Variants in P2RY1 observed in about 807,000 individuals in gnomAD.
P2RY1 encodes the protein P2Y purinoceptor 1.
Under a neutral mutation model 22.8 loss-of-function variants are expected in P2RY1, and 14 were observed. That is an observed-to-expected ratio of 0.61 (90% confidence interval 0.41 to 0.96). The LOEUF (loss-of-function observed/expected upper bound fraction) is 0.96. P2RY1 is among the 40% of genes least tolerant of loss of function. The pLI, the probability that P2RY1 is intolerant of heterozygous loss-of-function variation, is 0.00. For missense variants in P2RY1, 395 were observed against 470.3 expected, an observed-to-expected ratio of 0.84 and a Z score of 1.48; for synonymous variants, 200 against 195.1, an observed-to-expected ratio of 1.03 and a Z score of -0.21.
chr3:152,836,117 T>A lies in P2RY1; in HGVS notation c.335T>A (p.Phe112Tyr). ...LTLPALIFYY[F>Y]NKTDWIFGDA... is the part of the protein sequence containing the mutation. ...CTGCCAGCCCTGATCTTCTACTACTTCAATAAAACAGACTGGATCTTCGGG... is the reference window on the plus strand; with the variant it reads ...CTGCCAGCCCTGATCTTCTACTACTACAATAAAACAGACTGGATCTTCGGG... The change falls in exon 1 of 1, where the codon TTC becomes TAC. Residue 112 changes from phenylalanine to tyrosine, a missense_variant. Phe to Tyr is a conservative substitution (Grantham distance 22). Around this residue, in one of 3 missense-constraint regions of P2RY1, gnomAD observed 291 missense variants for 361.6 expected, o/e 0.80. Coordinates refer to ENST00000305097, the MANE Select transcript of P2RY1 (RefSeq NM_002563.5). This position sits in a 1 kb window ranked among gnomAD's most constrained non-coding sequence, Gnocchi z 5.6. 1 of 1,614,110 alleles carries A rather than the reference T, an allele frequency of 6.2e-7. No homozygotes were observed. The highest frequency in any genetic ancestry group is 8.5e-7 in the Non-Finnish European group (1 of 1,180,006).
rs1228268707 is a variant in P2RY1 at position 152,836,879 on chromosome 3, A to G, written c.1097A>G (p.Lys366Arg). 1.2e-6 allele frequency: 2 copies of G among 1,610,936 alleles called. No individual in the cohort carries two copies. Among genetic ancestry groups the G allele is most frequent in the East Asian group, 2.2e-5 (1 of 44,860 alleles). ...ACCCTCAATATTTTACCTGAGTTCA[A>G]GCAGAATGGAGATACAAGCCTGTGA... ...DMTLNILPEF[K>R]QNGDTSL The change falls in exon 1 of 1, where the codon AAG (lysine) becomes AGG (arginine). Residue 366 changes from lysine (K) to arginine (R), a missense_variant. Lys to Arg is a conservative substitution (Grantham distance 26). Transcript: ENST00000305097. This position sits in a 1 kb window ranked among gnomAD's most constrained non-coding sequence, Gnocchi z 5.6.
rs754613341 is a variant in P2RY1, at chr3:152,835,846, G to A, written c.64G>A (p.Gly22Ser). The A allele has an allele frequency of 1.9e-6, 3 of 1,612,986 alleles. No homozygotes were observed. The highest frequency in any genetic ancestry group is 2.5e-6 in the Non-Finnish European group (3 of 1,180,050). Residue 22 changes from glycine (G) to serine (S), a missense_variant, in exon 1 of 1, where the codon GGT (glycine) becomes AGT (serine). Transcript: ENST00000305097. ...GGACGCTGCCTTCCTGGCCGGTCCG[G>A]GTTCGTCCTGGGGGAACAGCACGGT... ...GTDAAFLAGP[G>S]SSWGNSTVAS...
rs1210523527 is a variant in P2RY1 at position 152,836,293 on chromosome 3, A to G, written c.511A>G (p.Ile171Val). 1.9e-6 allele frequency: 3 copies of G among 1,613,988 alleles called. No homozygotes were observed. Among genetic ancestry groups the G allele is most frequent in the African/African-American group, 2.7e-5 (2 of 74,908 alleles). Residue 171 changes from isoleucine to valine, a missense_variant, in exon 1 of 1, where the codon ATC becomes GTC. Around this residue, in one of 3 missense-constraint regions of P2RY1, gnomAD observed 291 missense variants for 361.6 expected, o/e 0.80. Coordinates refer to ENST00000305097, the MANE Select transcript of P2RY1 (RefSeq NM_002563.5). The surrounding 1 kb of genome is among the most constrained non-coding windows in gnomAD (Gnocchi z 5.6). The part of the protein sequence containing the change: ...GRLKKKNAIC[I>V]SVLVWLIVVV... The stretch of plus-strand genomic sequence containing the variant: ...GCTCAAAAAGAAGAATGCGATCTGT[A>G]TCAGCGTGCTGGTGTGGCTCATTGT...
chr3:152,836,686 G>C lies in P2RY1; in HGVS notation c.904G>C (p.Val302Leu). The C allele has an allele frequency of 6.2e-7, 1 of 1,614,154 alleles. No individual in the cohort carries two copies. Among genetic ancestry groups the C allele is most frequent in the Non-Finnish European group, 8.5e-7 (1 of 1,180,034 alleles). ...AGCAATGTGTGCTTTCAATGACAGG[G>C]TTTATGCCACGTATCAGGTGACAAG... ...TPAMCAFNDR[V>L]YATYQVTRGL... Residue 302 changes from valine (V) to leucine (L), a missense_variant, in exon 1 of 1, where the codon GTT becomes CTT. This residue lies in a region of P2RY1 where 291 missense variants were observed against 361.6 expected (regional missense o/e 0.80). Transcript: ENST00000305097. The surrounding 1 kb of genome is among the most constrained non-coding windows in gnomAD (Gnocchi z 5.6).
chr3:152,835,649 C>T lies in P2RY1; in HGVS notation c.-134C>T. Reference sequence around the variant, plus strand: ...GGCGTGGGCGAGCCCCTGCGCGCCCCCTCCCGCGGGGATCCAGTTCGCCTG... The same window carrying T: ...GGCGTGGGCGAGCCCCTGCGCGCCCTCTCCCGCGGGGATCCAGTTCGCCTG... On this transcript the variant is annotated 5_prime_UTR_variant, in exon 1 of 1. Coordinates refer to ENST00000305097, the MANE Select transcript of P2RY1 (RefSeq NM_002563.5). 1.1e-6 allele frequency: 1 copy of T among 884,494 alleles called. No individual in the cohort carries two copies. The highest frequency in any genetic ancestry group is 1.7e-6 in the Non-Finnish European group (1 of 600,706). 54.8% of individuals were successfully genotyped at this position (884,494 alleles called of 1,614,324 possible).
At position 152,836,762 on chromosome 3, in the gene P2RY1, C is replaced by T. The variant is rs1406416376; in HGVS notation, c.980C>T (p.Ala327Val). 2 of 1,614,028 alleles carry T rather than the reference C, an allele frequency of 1.2e-6. No individual in the cohort carries two copies. The highest frequency in any genetic ancestry group is 3.3e-5 in the Admixed American group (2 of 60,018). ...GTGGACCCCATTCTCTATTTCTTGG[C>T]GGGAGATACTTTCAGAAGGAGACTC... The part of the protein sequence containing the change: ...SCVDPILYFL[A>V]GDTFRRRLSR... The change falls in exon 1 of 1, where the codon GCG becomes GTG. Residue 327 changes from alanine to valine, a missense_variant. Physicochemically the swap from Ala to Val is moderately conservative, Grantham distance 64 (BLOSUM62 0). Coordinates refer to ENST00000305097, the MANE Select transcript of P2RY1 (RefSeq NM_002563.5). The surrounding 1 kb of genome is among the most constrained non-coding windows in gnomAD (Gnocchi z 5.6).
Position 152,836,060 on chromosome 3 carries a change from T to G in P2RY1, c.278T>G (p.Leu93Trp). The G allele has an allele frequency of 6.2e-7, 1 of 1,614,192 alleles. No homozygotes were observed. Among genetic ancestry groups the G allele is most frequent in the Non-Finnish European group, 8.5e-7 (1 of 1,180,036 alleles). ...GGCATCTCCGTGTACATGTTCAATTTGGCTCTGGCCGACTTCTTGTACGTG... is the reference window on the plus strand; with the variant it reads ...GGCATCTCCGTGTACATGTTCAATTGGGCTCTGGCCGACTTCTTGTACGTG... Reference protein sequence around the residue: ...WSGISVYMFNLALADFLYVLT... With the variant: ...WSGISVYMFNWALADFLYVLT... Residue 93 changes from leucine to tryptophan, a missense_variant, in exon 1 of 1, where the codon TTG (leucine) becomes TGG (tryptophan). Leu to Trp is a moderately conservative substitution (Grantham distance 61, BLOSUM62 -2). Around this residue, in one of 3 missense-constraint regions of P2RY1, gnomAD observed 291 missense variants for 361.6 expected, o/e 0.80. Transcript: ENST00000305097. This position sits in a 1 kb window ranked among gnomAD's most constrained non-coding sequence, Gnocchi z 5.6.
rs986389698 is a variant in P2RY1, at chr3:152,839,016, C to G, written c.*2112C>G. On this transcript the variant is annotated 3_prime_UTR_variant, in exon 1 of 1. Coordinates refer to ENST00000305097, the MANE Select transcript of P2RY1 (RefSeq NM_002563.5). The stretch of plus-strand genomic sequence containing the variant: ...TGTAGCCTAATGATACACATTTTTA[C>G]AATATTTCTTCACCATTTAGTTTTC... 3 of 152,156 alleles carry G rather than the reference C, an allele frequency of 2.0e-5. No individual in the cohort carries two copies. The highest frequency in any genetic ancestry group is 4.4e-5 in the Non-Finnish European group (3 of 68,016). The allele number at this position is 152,156 out of a possible 1,614,324, so 9.4% of individuals were successfully genotyped here. A position where few individuals can be genotyped will look rare whatever the true frequency, so the allele number is the denominator to read the frequency against.
rs1716139593 is a variant in P2RY1 at position 152,835,832 on chromosome 3, T to C, written c.50T>C (p.Phe17Ser). ...PAVPNGTDAA[F>S]LAGPGSSWGN... ...GTCCCCAACGGGACGGACGCTGCCTTCCTGGCCGGTCCGGGTTCGTCCTGG... is the reference window on the plus strand; with the variant it reads ...GTCCCCAACGGGACGGACGCTGCCTCCCTGGCCGGTCCGGGTTCGTCCTGG... Residue 17 changes from phenylalanine (F) to serine (S), a missense_variant, in exon 1 of 1, where the codon TTC becomes TCC. Physicochemically the swap from Phe to Ser is radical, Grantham distance 155. Around this residue, in one of 3 missense-constraint regions of P2RY1, gnomAD observed 98 missense variants for 87.7 expected, o/e 1.12. Coordinates refer to ENST00000305097, the MANE Select transcript of P2RY1 (RefSeq NM_002563.5). 6.2e-7 allele frequency: 1 copy of C among 1,612,268 alleles called. No homozygotes were observed. The highest frequency in any genetic ancestry group is 1.7e-5 in the Admixed American group (1 of 60,012).
In P2RY1 at chr3:152,840,575, A is replaced by G. The variant is rs1716272974; in HGVS notation, c.*3671A>G. ...ATTTAAAGTTGATCTGTCATGTTTT[A>G]GCAGTCAAGTGGGATGGGCATTATA... is the stretch of plus-strand genomic sequence containing the variant. On this transcript the variant is annotated 3_prime_UTR_variant, in exon 1 of 1. Coordinates refer to ENST00000305097, the MANE Select transcript of P2RY1 (RefSeq NM_002563.5). The G allele has an allele frequency of 6.6e-6, 1 of 152,186 alleles. No homozygotes were observed. Among genetic ancestry groups the G allele is most frequent in the African/African-American group, 2.4e-5 (1 of 41,450 alleles). 9.4% of individuals were successfully genotyped at this position (152,186 alleles called of 1,614,324 possible).
Position 152,836,181 on chromosome 3 carries a change from G to T in P2RY1, c.399G>T (p.Val133=). 1 of 1,614,166 alleles carries T rather than the reference G, an allele frequency of 6.2e-7. No homozygotes were observed. The highest frequency in any genetic ancestry group is 8.5e-7 in the Non-Finnish European group (1 of 1,180,032). ...MCKLQRFIFH[V]NLYGSILFLT... Reference sequence around the variant, plus strand: ...AACTGCAGAGGTTCATCTTTCATGTGAACCTCTATGGCAGCATCTTGTTTC... The same window carrying T: ...AACTGCAGAGGTTCATCTTTCATGTTAACCTCTATGGCAGCATCTTGTTTC... Residue 133 remains valine (V), a synonymous_variant, in exon 1 of 1, where the codon GTG becomes GTT. Coordinates refer to ENST00000305097, the MANE Select transcript of P2RY1 (RefSeq NM_002563.5). The surrounding 1 kb of genome is among the most constrained non-coding windows in gnomAD (Gnocchi z 5.6).
In P2RY1 at chr3:152,836,046, G is replaced by T. The variant is rs1305474709; in HGVS notation, c.264G>T (p.Val88=). 1.2e-6 allele frequency: 2 copies of T among 1,614,176 alleles called. No individual in the cohort carries two copies. Among genetic ancestry groups the T allele is most frequent in the Non-Finnish European group, 1.7e-6 (2 of 1,180,042 alleles). The change falls in exon 1 of 1, where the codon GTG becomes GTT. Residue 88 remains valine, a synonymous_variant. Transcript: ENST00000305097. The surrounding 1 kb of genome is among the most constrained non-coding windows in gnomAD (Gnocchi z 5.6). The part of the protein sequence containing the change: ...FHMKPWSGIS[V]YMFNLALADF... ...TGAAGCCCTGGAGCGGCATCTCCGT[G>T]TACATGTTCAATTTGGCTCTGGCCG...
rs187386914 is a variant in P2RY1 at position 152,839,836 on chromosome 3, C to G, written c.*2932C>G. On this transcript the variant is annotated 3_prime_UTR_variant, in exon 1 of 1. Transcript: ENST00000305097. ...CATTCCACTCCTTGGCTAAAAAAATCTTGGAAGTTTCACAGATTATGATGT... is the reference window on the plus strand; with the variant it reads ...CATTCCACTCCTTGGCTAAAAAAATGTTGGAAGTTTCACAGATTATGATGT... The G allele has an allele frequency of 6.6e-6, 1 of 152,096 alleles. No homozygotes were observed. Among genetic ancestry groups the G allele is most frequent in the African/African-American group, 2.4e-5 (1 of 41,408 alleles). The allele number at this position is 152,096 out of a possible 1,614,324, so 9.4% of individuals were successfully genotyped here.
chr3:152,836,675 T>C lies in P2RY1; in HGVS notation c.893T>C (p.Phe298Ser). Residue 298 changes from phenylalanine to serine, a missense_variant, in exon 1 of 1, where the codon TTC (phenylalanine) becomes TCC (serine). Physicochemically the swap from Phe to Ser is radical, Grantham distance 155. Transcript: ENST00000305097. This position sits in a 1 kb window ranked among gnomAD's most constrained non-coding sequence, Gnocchi z 5.6. Reference protein sequence around the residue: ...LDFQTPAMCAFNDRVYATYQV... With the variant: ...LDFQTPAMCASNDRVYATYQV... ...TTTCAGACCCCAGCAATGTGTGCTT[T>C]CAATGACAGGGTTTATGCCACGTAT... 6.2e-7 allele frequency: 1 copy of C among 1,614,206 alleles called. No individual in the cohort carries two copies. Among genetic ancestry groups the C allele is most frequent in the East Asian group, 2.2e-5 (1 of 44,890 alleles).
chr3:152,835,835 T>A lies in P2RY1; in HGVS notation c.53T>A (p.Leu18Gln). 6.2e-7 allele frequency: 1 copy of A among 1,612,554 alleles called. No homozygotes were observed. Among genetic ancestry groups the A allele is most frequent in the Non-Finnish European group, 8.5e-7 (1 of 1,179,978 alleles). The change falls in exon 1 of 1, where the codon CTG becomes CAG. Residue 18 changes from leucine (L) to glutamine (Q), a missense_variant. By Grantham distance (113) the Leu-to-Gln change is moderately radical. Transcript: ENST00000305097. ...AVPNGTDAAFLAGPGSSWGNS... is the reference protein window; with the variant it reads ...AVPNGTDAAFQAGPGSSWGNS... ...CCCAACGGGACGGACGCTGCCTTCC[T>A]GGCCGGTCCGGGTTCGTCCTGGGGG...
At position 152,839,108 on chromosome 3, in the gene P2RY1, CA is replaced by C. The variant is rs1263028397; in HGVS notation, c.*2205del. On this transcript the variant is annotated 3_prime_UTR_variant, in exon 1 of 1. Coordinates refer to ENST00000305097, the MANE Select transcript of P2RY1 (RefSeq NM_002563.5). ...GTGTTAAGTACATTGTTTCAGCGTC[CA>C]GAGAATTTTGTGAGTGTGGATCCAG... is the stretch of plus-strand genomic sequence containing the variant. The C allele has an allele frequency of 6.6e-6, 1 of 152,130 alleles. No individual in the cohort carries two copies. The highest frequency in any genetic ancestry group is 6.6e-5 in the Admixed American group (1 of 15,266). The allele number at this position is 152,130 out of a possible 1,614,324, so 9.4% of individuals were successfully genotyped here.
chr3:152,840,343 TTTAAG>T lies in P2RY1; in HGVS notation c.*3442_*3446del, dbSNP rs1716268891. ...GTGCTTTTGCATGTTTGCCTTTTTA[TTTAAG>T]TTTTTTTCTATATAGACACAATTTG... On this transcript the variant is annotated 3_prime_UTR_variant, in exon 1 of 1. Coordinates refer to ENST00000305097, the MANE Select transcript of P2RY1 (RefSeq NM_002563.5). 2 of 152,184 alleles carry T rather than the reference TTTAAG, an allele frequency of 1.3e-5. No homozygotes were observed. The highest frequency in any genetic ancestry group is 2.9e-5 in the Non-Finnish European group (2 of 68,010). 9.4% of individuals were successfully genotyped at this position (152,184 alleles called of 1,614,324 possible).
In P2RY1 at chr3:152,835,648, C is replaced by T. The variant is rs542227727; in HGVS notation, c.-135C>T. 2.3e-6 allele frequency: 2 copies of T among 869,766 alleles called. No individual in the cohort carries two copies. Among genetic ancestry groups the T allele is most frequent in the South Asian group, 1.8e-5 (1 of 55,010 alleles). 53.9% of individuals were successfully genotyped at this position (869,766 alleles called of 1,614,324 possible). A position where few individuals can be genotyped will look rare whatever the true frequency, so the allele number is the denominator to read the frequency against. ...TGGCGTGGGCGAGCCCCTGCGCGCC[C>T]CCTCCCGCGGGGATCCAGTTCGCCT... On this transcript the variant is annotated 5_prime_UTR_variant, in exon 1 of 1. Transcript: ENST00000305097.
At position 152,836,953 on chromosome 3, in the gene P2RY1, T is replaced by G; in HGVS notation, c.*49T>G. On this transcript the variant is annotated 3_prime_UTR_variant, in exon 1 of 1. Transcript: ENST00000305097. The surrounding 1 kb of genome is among the most constrained non-coding windows in gnomAD (Gnocchi z 5.6). ...TCTCTGTTGTAATATGGTAGGATGC[T>G]TAACAGAATCAAGTACTTTTCCCCT... 2 of 1,408,392 alleles carry G rather than the reference T, an allele frequency of 1.4e-6. No homozygotes were observed. Among genetic ancestry groups the G allele is most frequent in the Non-Finnish European group, 1.9e-6 (2 of 1,031,498 alleles). The allele number at this position is 1,408,392 out of a possible 1,614,324, so 87.2% of individuals were successfully genotyped here.
Sources: gnomAD v4.1 joint callset for allele counts on GRCh38, gnomAD v4.1.1 for gene constraint, gnomAD v4.1.1 regional missense constraint, Gnocchi (gnomAD v3.1) non-coding constraint, MANE v1.5 for transcripts, NCBI Gene and HGNC (gene_info 2026-07-23, HGNC 2026-07-21) for gene names.